Variants in GPBP1 observed in about 807,000 individuals in gnomAD.
The protein encoded by GPBP1 is vasculin.
GPBP1 carries 13 observed loss-of-function variants against 56.5 expected under a neutral mutation model. The observed-to-expected ratio is 0.23, with a 90% confidence interval of 0.15 to 0.37. The LOEUF is 0.37. Among genes scored for constraint, GPBP1 ranks in the 10% least tolerant of loss-of-function variants. GPBP1 has a pLI of 1.00. For missense variants in GPBP1, 477 were observed against 572.3 expected (o/e 0.83, Z 1.70); for synonymous variants, 204 against 188.9 (o/e 1.08, Z -0.66).
chr5:57,230,122 G>A (rs549816361), intron 3 of GPBP1, among the ~76,000 whole-genome samples: 2 of 151,846 alleles, frequency 1.3e-5, no homozygotes, highest in South Asian at 4.2e-4. Flanking sequence ...TAGTAGAGAC[G>A]GGGTTTCTCC....
chr5:57,245,973 G>A (rs1443283061), intron 6 of GPBP1: 2 of 180,918 alleles, frequency 1.1e-5, no homozygotes, highest in Admixed American at 6.1e-5. Flanking sequence ...GAGTCATTAG[G>A]TTGATGTTTG....
chr5:57,202,004 T>C (rs1579999078), intron 2 of GPBP1, among the ~76,000 whole-genome samples: 3 of 152,338 alleles, frequency 2.0e-5, no homozygotes, highest in Admixed American at 2.0e-4. Context: ...GGCTTTGTTT[T>C]TTAATTTGAG....
chr5:57,259,338 A>T (rs1265047386), intron 10 of GPBP1, among the ~76,000 whole-genome samples: 2 of 152,344 alleles, frequency 1.3e-5, no homozygotes, highest in Non-Finnish European at 2.9e-5. Flanking sequence ...TGAGACTCTG[A>T]AAAAAGGTCT....
At chr5:57,254,934 C>T (rs957133541) in intron 10 of GPBP1, among the ~76,000 whole-genome samples, 4 of 152,110 alleles carry the variant, frequency 2.6e-5, no homozygotes, top group Non-Finnish European at 5.9e-5. Flanking sequence ...TTCATGCTAC[C>T]ACATAATACA....
At chr5:57,218,041 T>C (rs1186327428) in intron 3 of GPBP1, among the ~76,000 whole-genome samples, 1 of 152,112 alleles carries the variant, frequency 6.6e-6, no homozygotes, top group Non-Finnish European at 1.5e-5. Flanking sequence ...TTGACTTTTC[T>C]AGACTATAAG....
chr5:57,231,357 C>T (rs1028350033), intron 5 of GPBP1, 36 bp downstream of exon 5: 1 of 1,521,796 alleles, frequency 6.6e-7, no homozygotes, highest in Non-Finnish European at 9.0e-7. Flanking sequence ...AATGAAGTTT[C>T]TGTAAGTGCT....
chr5:57,179,284 AAG>A (rs1175422288), intron 2 of GPBP1, among the ~76,000 whole-genome samples: 1 of 152,244 alleles, frequency 6.6e-6, no homozygotes, highest in Non-Finnish European at 1.5e-5. Flanking sequence ...GAAATAAACT[AAG>A]AGATATTACT....
In GPBP1 at chr5:57,210,792, C is replaced by T. The variant is rs76358361; in HGVS notation, c.-57-3282C>T. On this transcript the variant is annotated intron_variant, in intron 2 of 11. Coordinates refer to ENST00000506184, the MANE Select transcript of GPBP1 (RefSeq NM_022913.4). ...TTGCCTCTGAGACCTCTCTCTTTGG[C>T]TTGTAAATGACTGCCTGCTTGCTGC... Among the ~76,000 whole-genome samples the T allele has an allele frequency of 5.1e-3, 775 of 152,262 alleles. 3 individuals carry two copies. Among genetic ancestry groups the T allele is most frequent in the Non-Finnish European group, 8.0e-3 (544 of 68,030 alleles).
intron 2 of GPBP1, among the ~76,000 whole-genome samples, chr5:57,211,069 A>G (rs753117680): frequency 6.6e-6 from 1 of 152,208 alleles, no homozygotes; most frequent in South Asian, 2.1e-4. Flanking sequence ...CAGATGGCAC[A>G]ATGCAGTTAA....
intron 3 of GPBP1, among the ~76,000 whole-genome samples, chr5:57,222,810 T>G (rs1756009635): frequency 6.6e-6 from 1 of 152,072 alleles, no homozygotes; most frequent in Non-Finnish European, 1.5e-5. Flanking sequence ...CCCATTACAG[T>G]TTTATGGGGA....
chr5:57,208,430 A>G (rs893529630), intron 2 of GPBP1, among the ~76,000 whole-genome samples: 1 of 152,024 alleles, frequency 6.6e-6, no homozygotes, highest in African/African-American at 2.4e-5. Flanking sequence ...GACGGGGTTC[A>G]CCATGTTGCC....
intron 2 of GPBP1, among the ~76,000 whole-genome samples, chr5:57,178,731 T>G (rs1753908048): frequency 6.6e-6 from 1 of 152,222 alleles, no homozygotes; most frequent in South Asian, 2.1e-4. Context: ...GACAGATATT[T>G]TCAGTATTTT....
rs183669300 is a variant in GPBP1, at chr5:57,242,417, G to A, written c.479-3883G>A. The stretch of plus-strand genomic sequence containing the variant: ...TAACTTATATAAGATTATACAACTG[G>A]TAAGGTTGGAGCTAGTATTCAAATT... On this transcript the variant is annotated intron_variant, in intron 6 of 11. Transcript: ENST00000506184. 3.9e-5 allele frequency among the ~76,000 whole-genome samples: 6 copies of A among 152,122 alleles called. No individual in the cohort carries two copies. In the South Asian group the frequency reaches 1.2e-3, roughly 31 times the overall value.
At chr5:57,210,106 TA>T (rs1755408644) in intron 2 of GPBP1, among the ~76,000 whole-genome samples, 1 of 152,166 alleles carries the variant, frequency 6.6e-6, no homozygotes, top group Non-Finnish European at 1.5e-5. Context: ...GGGTCAGAAA[TA>T]AAACATAACA....
chr5:57,176,807 C>T (rs1358190401), intron 2 of GPBP1, among the ~76,000 whole-genome samples: 4 of 152,174 alleles, frequency 2.6e-5, no homozygotes, highest in African/African-American at 9.7e-5. Flanking sequence ...AGCCAGTTGA[C>T]TTTGCAAATG....
At chr5:57,236,329 G>A (rs1225932880) in intron 6 of GPBP1, among the ~76,000 whole-genome samples, 1 of 152,012 alleles carries the variant, frequency 6.6e-6, no homozygotes, top group Non-Finnish European at 1.5e-5. Flanking sequence ...GAGAGCAGCT[G>A]GATAATGTAA....
At chr5:57,233,927 A>G (rs1044324015) in intron 5 of GPBP1, among the ~76,000 whole-genome samples, 1 of 152,162 alleles carries the variant, frequency 6.6e-6, no homozygotes, top group African/African-American at 2.4e-5. Flanking sequence ...CTCAATAAAA[A>G]CTAATTGCTG....
intron 3 of GPBP1, among the ~76,000 whole-genome samples, chr5:57,223,647 G>A (rs150938837): frequency 4.6e-5 from 7 of 151,886 alleles, no homozygotes; most frequent in African/African-American, 1.4e-4. Context: ...TCACACCTCC[G>A]TAAGGCTGTT....
intron 2 of GPBP1, among the ~76,000 whole-genome samples, chr5:57,176,658 C>G (rs1753798686): frequency 6.6e-6 from 1 of 152,178 alleles, no homozygotes. Flanking sequence ...AAGTAAAAAG[C>G]TAAATTCGTA....
Sources: allele counts gnomAD v4.1 joint callset (sites outside exome capture counted in the v4.1 genomes callset), GRCh38; gene constraint gnomAD v4.1.1; transcripts MANE v1.5; gene names NCBI Gene and HGNC (gene_info 2026-07-23, HGNC 2026-07-21).